Variants in CHODL observed in about 807,000 individuals in gnomAD.
CHODL encodes the protein transmembrane protein MT75.
Under a neutral mutation model 34.5 loss-of-function variants are expected in CHODL, and 29 were observed. The ratio of observed to expected loss-of-function variants is 0.84; its 90% confidence interval spans 0.63 to 1.15. CHODL has a LOEUF of 1.15. Among genes scored for constraint, CHODL ranks in the 50% most tolerant of loss-of-function variants. CHODL has a pLI of 0.00. For synonymous variants in CHODL, 125 were observed against 116.1 expected (o/e 1.08, Z -0.49); for missense variants, 332 against 332.5 (o/e 1.00, Z 0.01).
At position 18,162,236 on chromosome 21, in the gene CHODL, C is replaced by T. The variant is rs1053511234; in HGVS notation, c.-44-94273C>T. ...ACAGAAATTTATTGTCTCATGGTTA[C>T]GGAGGCTAAAAGCCCAACATCAAGG... On this transcript the variant is annotated intron_variant, in intron 2 of 6. Coordinates refer to the CHODL transcript ENST00000400127. 1.4e-4 allele frequency among the ~76,000 whole-genome samples: 22 copies of T among 152,196 alleles called. No individual in the cohort carries two copies. The East Asian group carries it at 2.5e-3, about 17-fold the overall frequency.
intron 1 of CHODL, among the ~76,000 whole-genome samples, chr21:17,948,214 G>A (rs1215772777): frequency 6.6e-6 from 1 of 151,910 alleles, no homozygotes; most frequent in Non-Finnish European, 1.5e-5. Flanking sequence ...TACATTTTTA[G>A]GTAATGGTAC....
chr21:18,241,996 C>T (rs992452128), upstream of CHODL, among the ~76,000 whole-genome samples: 12 of 142,570 alleles, frequency 8.4e-5, no homozygotes, highest in Admixed American at 7.0e-5. Context: ...TCATTTGAGT[C>T]TTTTTTTTTT....
intron 2 of CHODL, among the ~76,000 whole-genome samples, chr21:18,200,409 G>C (rs1273083406): frequency 6.6e-6 from 1 of 151,834 alleles, no homozygotes; most frequent in African/African-American, 2.4e-5. Flanking sequence ...CAGTTTTTTT[G>C]TTTCTTTCAC....
intron 2 of CHODL, among the ~76,000 whole-genome samples, chr21:18,049,319 G>A (rs1403288456): frequency 6.6e-6 from 1 of 151,890 alleles, no homozygotes; most frequent in Non-Finnish European, 1.5e-5. Context: ...CCAAACTCAT[G>A]GGAAAATTTT....
intron 1 of CHODL, among the ~76,000 whole-genome samples, chr21:17,965,370 A>G (rs1369459078): frequency 6.6e-6 from 1 of 152,130 alleles, no homozygotes; most frequent in Admixed American, 6.6e-5. Flanking sequence ...TCATCTTTTC[A>G]CAATATATAG....
intron 1 of CHODL, among the ~76,000 whole-genome samples, chr21:17,944,634 G>A (rs992792549): frequency 2.0e-5 from 3 of 152,262 alleles, no homozygotes; most frequent in South Asian, 2.1e-4. Flanking sequence ...CAAGCAGGGG[G>A]TATATCTTGT....
chr21:18,242,583 C>CA (rs879583521), upstream of CHODL, among the ~76,000 whole-genome samples: 2 of 151,450 alleles, frequency 1.3e-5, no homozygotes, highest in South Asian at 2.1e-4. Flanking sequence ...GAGACACAAA[C>CA]AAAAAAAGCT....
intron 1 of CHODL, among the ~76,000 whole-genome samples, chr21:17,924,027 G>A (rs1385099791): frequency 6.6e-6 from 1 of 152,172 alleles, no homozygotes; most frequent in Non-Finnish European, 1.5e-5. Flanking sequence ...AGGAACGTGA[G>A]GGTCTCTTGG....
chr21:18,019,854 G>A (rs2064111420), intron 1 of CHODL, among the ~76,000 whole-genome samples: 1 of 152,042 alleles, frequency 6.6e-6, no homozygotes, highest in African/African-American at 2.4e-5. Context: ...ACCCATTCTT[G>A]ATCAGAAGAA....
chr21:18,104,866 A>G (rs1212648350), intron 2 of CHODL, among the ~76,000 whole-genome samples: 1 of 152,244 alleles, frequency 6.6e-6, no homozygotes, highest in Non-Finnish European at 1.5e-5. Context: ...GGTTACCATT[A>G]AGTGTGGTCT....
chr21:18,223,065 G>T (rs1232314325), intron 2 of CHODL, among the ~76,000 whole-genome samples: 1 of 152,144 alleles, frequency 6.6e-6, no homozygotes, highest in Admixed American at 6.5e-5. Context: ...GGGAAAAACT[G>T]ATCAGAAAAT....
chr21:17,997,149 C>T (rs2063857733), intron 1 of CHODL, among the ~76,000 whole-genome samples: 1 of 152,210 alleles, frequency 6.6e-6, no homozygotes, highest in African/African-American at 2.4e-5. Context: ...TACTCTGCTT[C>T]TCCTGGAGAA....
chr21:18,079,478 T>C (rs1424899338), intron 2 of CHODL, among the ~76,000 whole-genome samples: 1 of 148,606 alleles, frequency 6.7e-6, no homozygotes, highest in African/African-American at 2.5e-5. Context: ...CACATATATA[T>C]ACCATATTAC....
At chr21:18,094,062 A>C (rs1312719554) in intron 2 of CHODL, among the ~76,000 whole-genome samples, 1 of 152,178 alleles carries the variant, frequency 6.6e-6, no homozygotes, top group Admixed American at 6.5e-5. Context: ...CAAAAAAAGC[A>C]ATAGTGTTAT....
chr21:18,203,527 T>C (rs2073678564), intron 2 of CHODL, among the ~76,000 whole-genome samples: 3 of 152,178 alleles, frequency 2.0e-5, no homozygotes, highest in Non-Finnish European at 4.4e-5. Context: ...CTTGTTACAA[T>C]TGAAAGTATA....
intron 2 of CHODL, among the ~76,000 whole-genome samples, chr21:18,098,737 A>T (rs2065172464): frequency 6.6e-6 from 1 of 152,158 alleles, no homozygotes; most frequent in South Asian, 2.1e-4. Flanking sequence ...TATACCAAAA[A>T]GAAAGCAAAT....
intron 1 of CHODL, among the ~76,000 whole-genome samples, chr21:18,026,918 T>A (rs2064181891): frequency 6.6e-6 from 1 of 152,208 alleles, no homozygotes; most frequent in Non-Finnish European, 1.5e-5. Context: ...GTTAAAGTTT[T>A]ATAAAATTTG....
chr21:18,071,739 T>C (rs1167748477), intron 2 of CHODL, among the ~76,000 whole-genome samples: 2 of 152,174 alleles, frequency 1.3e-5, no homozygotes, highest in African/African-American at 4.8e-5. Context: ...TACATTTCTA[T>C]TTCTATTACA....
rs959342222 is a variant in CHODL at position 18,266,660 on chromosome 21, A to G, written c.*622A>G. The G allele has an allele frequency of 1.3e-5, 2 of 153,404 alleles. No homozygotes were observed. The highest frequency in any genetic ancestry group is 4.8e-5 in the African/African-American group (2 of 41,474). The allele number at this position is 153,404 out of a possible 1,614,324, so 9.5% of individuals were successfully genotyped here. On this transcript the variant is annotated 3_prime_UTR_variant, in exon 6 of 6. Transcript: ENST00000299295. ...TCAATGTCTAGGAAATCTCTTCAGA[A>G]ATAAGAAGCTATTTCATTAAGTGTG...
Sources: gnomAD v4.1 joint callset for allele counts (sites outside exome capture counted in the v4.1 genomes callset) on GRCh38, gnomAD v4.1.1 for gene constraint, MANE v1.5 for transcripts, NCBI Gene and HGNC (gene_info 2026-07-23, HGNC 2026-07-21) for gene names.